Variants in OLA1 observed in about 807,000 individuals in gnomAD.
OLA1 encodes the protein obg-like ATPase 1.
OLA1 carries 14 observed loss-of-function variants against 48.4 expected under a neutral mutation model. The observed-to-expected ratio is 0.29, with a 90% CI of 0.19 to 0.45. The LOEUF is 0.45. OLA1 is among the 20% of genes least tolerant of loss of function. OLA1 has a pLI of 1.00. For synonymous variants in OLA1, 127 were observed against 150.4 expected (o/e 0.84, Z 1.14); for missense variants, 325 against 467.1 (o/e 0.70, Z 2.80).
At chr2:174,238,652 C>T (rs1688920428) in intron 2 of OLA1, among the ~76,000 whole-genome samples, 1 of 152,104 alleles carries the variant, frequency 6.6e-6, no homozygotes, top group Admixed American at 6.5e-5. Context: ...CTTTGGAAAA[C>T]AGTTTGGCAG....
At chr2:174,082,412 G>A (rs1684876457) in intron 7 of OLA1, among the ~76,000 whole-genome samples, 1 of 152,014 alleles carries the variant, frequency 6.6e-6, no homozygotes, top group Non-Finnish European at 1.5e-5. Flanking sequence ...ACTTTACAAA[G>A]TAAATTTTTA....
intron 4 of OLA1, among the ~76,000 whole-genome samples, chr2:174,177,674 T>C (rs573816202): frequency 7.2e-5 from 11 of 152,226 alleles, no homozygotes; most frequent in African/African-American, 2.6e-4. Flanking sequence ...CAAATAGCAA[T>C]GGACTTTTGA....
chr2:174,167,129 A>T (rs1460088099), intron 4 of OLA1, among the ~76,000 whole-genome samples: 1 of 152,188 alleles, frequency 6.6e-6, no homozygotes, highest in Admixed American at 6.5e-5. Flanking sequence ...CAGCAAAAAA[A>T]AAAAAGTGCC....
At chr2:174,224,610 T>C (rs528283884) in intron 3 of OLA1, among the ~76,000 whole-genome samples, 26 of 146,622 alleles carry the variant, frequency 1.8e-4, no homozygotes, top group African/African-American at 6.1e-4. Flanking sequence ...CTCCACCTCT[T>C]AAAAAACAAA....
At chr2:174,153,182 A>C (rs1686786248) in intron 4 of OLA1, among the ~76,000 whole-genome samples, 2 of 152,236 alleles carry the variant, frequency 1.3e-5, no homozygotes, top group Admixed American at 1.3e-4. Flanking sequence ...AAGTAAACTT[A>C]CATGGGAGCA....
intron 7 of OLA1, among the ~76,000 whole-genome samples, chr2:174,106,215 T>A (rs1050489584): frequency 1.3e-5 from 2 of 152,110 alleles, no homozygotes; most frequent in Non-Finnish European, 2.9e-5. Context: ...GACAATCTAA[T>A]TCATACTAAT....
At chr2:174,088,069 T>C (rs1303370867) in intron 7 of OLA1, among the ~76,000 whole-genome samples, 2 of 152,228 alleles carry the variant, frequency 1.3e-5, no homozygotes, top group African/African-American at 4.8e-5. Flanking sequence ...TAATTGTATA[T>C]AACTGGTGTC....
intron 4 of OLA1, among the ~76,000 whole-genome samples, chr2:174,159,811 C>T (rs61481476): frequency 0.53 from 80,347 of 151,280 alleles, 21,862 homozygotes; most frequent in East Asian, 0.94. Flanking sequence ...TGTTGGAACA[C>T]CAGACTAAAG....
At chr2:174,236,083 C>A (rs1688841794) in intron 2 of OLA1, among the ~76,000 whole-genome samples, 1 of 152,040 alleles carries the variant, frequency 6.6e-6, no homozygotes, top group African/African-American at 2.4e-5. Flanking sequence ...AGGTCCAACA[C>A]TCTTTAAAGG....
At chr2:174,079,217 G>T (rs1490188078) in intron 9 of OLA1, 127 bp from the exon 10 acceptor site, 3 of 671,368 alleles carry the variant, frequency 4.5e-6, no homozygotes, top group African/African-American at 3.7e-5. Context: ...TAAGATGTCA[G>T]GTATATAATT....
intron 7 of OLA1, among the ~76,000 whole-genome samples, chr2:174,085,403 T>C (rs1397073833): frequency 6.6e-6 from 1 of 152,104 alleles, no homozygotes; most frequent in African/African-American, 2.4e-5. Context: ...CTATTGTGAA[T>C]TGCACGTGCA....
rs142545270 is a variant in OLA1 at position 174,232,733 on chromosome 2, A to T, written c.102-3282T>A. ...GATAAGTGTTGGCAAGAGTACAGAGAAATTAGAACTCCGTGCACTGCTGGT... is the reference window on the plus strand; with the variant it reads ...GATAAGTGTTGGCAAGAGTACAGAGTAATTAGAACTCCGTGCACTGCTGGT... On this transcript the variant is annotated intron_variant, in intron 2 of 10. Transcript: ENST00000284719. Among the ~76,000 whole-genome samples the T allele has an allele frequency of 4.6e-3, 707 of 152,318 alleles. 4 individuals are homozygous for T. Among genetic ancestry groups the T allele is most frequent in the Non-Finnish European group, 7.9e-3 (537 of 68,012 alleles).
chr2:174,171,703 A>G (rs1687306842), intron 4 of OLA1, among the ~76,000 whole-genome samples: 2 of 152,268 alleles, frequency 1.3e-5, no homozygotes, highest in Non-Finnish European at 2.9e-5. Flanking sequence ...CTAAGAAATT[A>G]GAGAAAGAAA....
intron 4 of OLA1, among the ~76,000 whole-genome samples, chr2:174,167,238 T>G (rs1687186783): frequency 6.6e-6 from 1 of 152,174 alleles, no homozygotes; most frequent in Non-Finnish European, 1.5e-5. Flanking sequence ...AAAGACTACA[T>G]GAGAGATAGG....
At chr2:174,168,971 T>C (rs1395125454) in intron 4 of OLA1, among the ~76,000 whole-genome samples, 1 of 151,764 alleles carries the variant, frequency 6.6e-6, no homozygotes, top group Non-Finnish European at 1.5e-5. Context: ...ATTTTTCTTC[T>C]GTTTTGAGAC....
intron 4 of OLA1, among the ~76,000 whole-genome samples, chr2:174,205,176 T>C (rs1265246304): frequency 4.6e-5 from 7 of 152,220 alleles, no homozygotes; most frequent in Non-Finnish European, 1.0e-4. Context: ...AATATAACAC[T>C]GCTTCAATTT....
chr2:174,232,194 T>C (rs1354146583), intron 2 of OLA1, among the ~76,000 whole-genome samples: 1 of 152,228 alleles, frequency 6.6e-6, no homozygotes, highest in Non-Finnish European at 1.5e-5. Flanking sequence ...TTTTACTCTG[T>C]TAAGTCAATC....
At position 174,186,977 on chromosome 2, in the gene OLA1, A is replaced by C. The variant is rs73035757; in HGVS notation, c.373+36056T>G. Among the ~76,000 whole-genome samples, 656 of 152,292 alleles carry C rather than the reference A, an allele frequency of 4.3e-3. 2 individuals carry two copies. Among genetic ancestry groups the C allele is most frequent in the African/African-American group, 0.015 (624 of 41,566 alleles). The stretch of plus-strand genomic sequence containing the variant: ...AGAAAAATACCAAATAAAGCTAAAA[A>C]TGAAGATCTCCATCATGTATTGAAA... On this transcript the variant is annotated intron_variant, in intron 4 of 10. Transcript: ENST00000284719.
chr2:174,163,703 AATAAATAAATATATATATAT>A (rs1367440689), intron 4 of OLA1, among the ~76,000 whole-genome samples: 1 of 49,752 alleles, frequency 2.0e-5, no homozygotes, highest in African/African-American at 9.6e-5. Context: ...AAATAAAATA[AATAAATAAATATATATATAT>A]ATATATATAT....
Sources: gnomAD v4.1 joint callset for allele counts (sites outside exome capture counted in the v4.1 genomes callset) on GRCh38, gnomAD v4.1.1 for gene constraint, MANE v1.5 for transcripts, NCBI Gene and HGNC (gene_info 2026-07-23, HGNC 2026-07-21) for gene names.